The following KCNIP4 variants were observed in gnomAD, a reference collection of about 807,000 sequenced individuals.
The protein encoded by KCNIP4 is Kv channel-interacting protein 4.
In KCNIP4, 12 loss-of-function variants were observed where a neutral mutation model predicts 34.0. The observed-to-expected ratio is 0.35, with a 90% CI of 0.23 to 0.57. The LOEUF (loss-of-function observed/expected upper bound fraction) is 0.57. KCNIP4 is among the 20% of genes least tolerant of loss of function. The pLI is 0.83. For missense variants in KCNIP4, 238 were observed against 311.7 expected (o/e 0.76, Z 1.78); for synonymous variants, 124 against 102.2 (o/e 1.21, Z -1.29).
intron 1 of KCNIP4, among the ~76,000 whole-genome samples, chr4:21,078,695 G>T (rs1185058053): frequency 6.6e-6 from 1 of 152,060 alleles, no homozygotes; most frequent in Non-Finnish European, 1.5e-5. Flanking sequence ...AATTTGAGGA[G>T]AAAATGATGA....
chr4:21,466,173 TTTGTTC>T (rs1401672514), intron 1 of KCNIP4, among the ~76,000 whole-genome samples: 1 of 152,152 alleles, frequency 6.6e-6, no homozygotes, highest in Non-Finnish European at 1.5e-5. Context: ...CCTTTTCCCA[TTTGTTC>T]AGGGTATTAA....
At chr4:21,231,269 T>A (rs541228472) in intron 1 of KCNIP4, among the ~76,000 whole-genome samples, 13 of 152,188 alleles carry the variant, frequency 8.5e-5, no homozygotes, top group Non-Finnish European at 1.9e-4. Flanking sequence ...TGCAAAAAAA[T>A]TAAGTAAATA....
intron 1 of KCNIP4, among the ~76,000 whole-genome samples, chr4:21,059,477 G>A (rs1284822693): frequency 6.6e-6 from 1 of 152,138 alleles, no homozygotes; most frequent in African/African-American, 2.4e-5. Flanking sequence ...AGGATGGACG[G>A]AGAAATTCCC....
At chr4:21,506,953 G>A (rs969319750) in intron 1 of KCNIP4, among the ~76,000 whole-genome samples, 2 of 151,610 alleles carry the variant, frequency 1.3e-5, no homozygotes, top group Non-Finnish European at 2.9e-5. Context: ...CACCACATCC[G>A]TCTTTTTTTG....
chr4:20,842,581 C>CAAAAAAAAAAAAAAAA (rs59134256), intron 3 of KCNIP4, among the ~76,000 whole-genome samples: 5 of 69,688 alleles, frequency 7.2e-5, no homozygotes, highest in African/African-American at 2.9e-4. Flanking sequence ...CTTCTAATGG[C>CAAAAAAAAAAAAAAAA]AAAAAAAAAA....
chr4:21,248,981 GGTAA>G (rs1189917311), intron 1 of KCNIP4, among the ~76,000 whole-genome samples: 1 of 152,052 alleles, frequency 6.6e-6, no homozygotes, highest in East Asian at 1.9e-4. Flanking sequence ...TAAAAAATTT[GGTAA>G]GTATCATGTG....
intron 1 of KCNIP4, among the ~76,000 whole-genome samples, chr4:21,366,596 A>G (rs1356884315): frequency 1.3e-5 from 2 of 152,210 alleles, no homozygotes; most frequent in Non-Finnish European, 2.9e-5. Flanking sequence ...CAGGTTACAC[A>G]TGCTAGCCCT....
At chr4:21,177,481 T>G (rs1428027688) in intron 1 of KCNIP4, among the ~76,000 whole-genome samples, 1 of 152,102 alleles carries the variant, frequency 6.6e-6, no homozygotes, top group Non-Finnish European at 1.5e-5. Flanking sequence ...GCTCAAAACA[T>G]GGCTATTAAA....
At chr4:20,738,448 G>A (rs1328605868) in intron 5 of KCNIP4, among the ~76,000 whole-genome samples, 1 of 152,186 alleles carries the variant, frequency 6.6e-6, no homozygotes, top group African/African-American at 2.4e-5. Context: ...TTAGGTTGAA[G>A]TGGGACCCCA....
At position 21,150,478 on chromosome 4, in the gene KCNIP4, A is replaced by C. The variant is rs1752678511; in HGVS notation, c.62-267769T>G. ...TCACCTGGTTCCAACCTGGGGACAC[A>C]GACCAAGTACTTAGACCTTAGTCAA... On this transcript the variant is annotated intron_variant, in intron 1 of 8. Coordinates refer to ENST00000382152, the MANE Select transcript of KCNIP4 (RefSeq NM_025221.6). Among the ~76,000 whole-genome samples, 2 of 152,232 alleles carry C rather than the reference A, an allele frequency of 1.3e-5. 1 individual carries two copies. The highest frequency in any genetic ancestry group is 4.8e-5 in the African/African-American group (2 of 41,464).
chr4:21,280,931 A>G (rs774366592), intron 1 of KCNIP4, among the ~76,000 whole-genome samples: 1 of 152,152 alleles, frequency 6.6e-6, no homozygotes, highest in Non-Finnish European at 1.5e-5. Context: ...TCCAGTCATT[A>G]TGTTGTTATT....
Position 21,425,155 on chromosome 4 carries a change from G to A in KCNIP4, c.61+523416C>T, listed in dbSNP as rs749065543. On this transcript the variant is annotated intron_variant, in intron 1 of 8. Coordinates refer to ENST00000382152, the MANE Select transcript of KCNIP4 (RefSeq NM_025221.6). ...TTTACTTGACCTTTGAAGGACTCTGGTTATATATTCTTTTCTCTATCTTGC... is the reference window on the plus strand; with the variant it reads ...TTTACTTGACCTTTGAAGGACTCTGATTATATATTCTTTTCTCTATCTTGC... 6.1e-4 allele frequency among the ~76,000 whole-genome samples: 92 copies of A among 151,964 alleles called. 2 individuals are homozygous for A. The highest frequency in any genetic ancestry group is 2.6e-4 in the Admixed American group (4 of 15,248).
chr4:20,883,870 C>T (rs1211258932), intron 1 of KCNIP4, among the ~76,000 whole-genome samples: 1 of 152,084 alleles, frequency 6.6e-6, no homozygotes, highest in African/African-American at 2.4e-5. Flanking sequence ...AAGATCATTC[C>T]TCTGATTAAA....
intron 1 of KCNIP4, among the ~76,000 whole-genome samples, chr4:21,544,203 A>G (rs1008519522): frequency 2.0e-5 from 3 of 151,906 alleles, no homozygotes; most frequent in Non-Finnish European, 4.4e-5. Context: ...AAAATAGAGT[A>G]CCACTGACCT....
chr4:21,834,587 C>T (rs549146740), intron 1 of KCNIP4, among the ~76,000 whole-genome samples: 50 of 152,196 alleles, frequency 3.3e-4, no homozygotes, highest in African/African-American at 1.0e-3. Flanking sequence ...CCTTTATTTC[C>T]TTCTCTTGCC....
intron 1 of KCNIP4, among the ~76,000 whole-genome samples, chr4:21,046,868 C>T (rs1742474230): frequency 6.6e-6 from 1 of 152,204 alleles, no homozygotes. Context: ...GCTGGGATTA[C>T]AGGCGTCAGC....
At chr4:21,210,361 C>G (rs1435406120) in intron 1 of KCNIP4, among the ~76,000 whole-genome samples, 1 of 152,134 alleles carries the variant, frequency 6.6e-6, no homozygotes, top group Non-Finnish European at 1.5e-5. Context: ...GATTTTCTGT[C>G]ATCAAATTAG....
chr4:21,759,911 T>C (rs1187806785), intron 1 of KCNIP4, among the ~76,000 whole-genome samples: 12 of 152,046 alleles, frequency 7.9e-5, no homozygotes, highest in Admixed American at 7.9e-4. Flanking sequence ...TTTAATATAC[T>C]GCTCCTTTAG....
chr4:20,878,418 T>A (rs1245425089), intron 2 of KCNIP4, among the ~76,000 whole-genome samples: 1 of 152,188 alleles, frequency 6.6e-6, no homozygotes, highest in African/African-American at 2.4e-5. Flanking sequence ...TTAAAAGACA[T>A]CTTGTCAATG....
Sources: gnomAD v4.1 joint callset for allele counts (sites outside exome capture counted in the v4.1 genomes callset) on GRCh38, gnomAD v4.1.1 for gene constraint, MANE v1.5 for transcripts, NCBI Gene and HGNC (gene_info 2026-07-23, HGNC 2026-07-21) for gene names.